WDR59: variants seen among roughly 807,000 people sequenced by gnomAD.
WDR59 encodes the protein WD repeat domain 59.
Under a neutral mutation model 131.2 loss-of-function variants are expected in WDR59, and 100 were observed. The observed-to-expected ratio is 0.76, with a 90% CI of 0.65 to 0.90. The LOEUF (loss-of-function observed/expected upper bound fraction) is 0.90. Among genes scored for constraint, WDR59 ranks in the 40% least tolerant of loss-of-function variants. WDR59 has a pLI of 0.00. For synonymous variants in WDR59, 601 were observed against 466.2 expected (o/e 1.29, Z -3.72); for missense variants, 1,203 against 1,262.2 (o/e 0.95, Z 0.71).
chr16:74,958,609 A>AAAAAAAAC (rs2033414694), intron 2 of WDR59, among the ~76,000 whole-genome samples: 1 of 143,224 alleles, frequency 7.0e-6, no homozygotes, highest in South Asian at 2.2e-4. Flanking sequence ...AAAAAAAAAA[A>AAAAAAAAC]AAAAAAAAAA....
chr16:74,891,239 T>C (rs1814277970), intron 20 of WDR59, among the ~76,000 whole-genome samples: 2 of 151,960 alleles, frequency 1.3e-5, no homozygotes, highest in South Asian at 2.1e-4. Flanking sequence ...AAAGAAGATA[T>C]GGACTTTGAA....
chr16:74,901,798 T>C (rs1965566835), intron 18 of WDR59, among the ~76,000 whole-genome samples: 1 of 152,142 alleles, frequency 6.6e-6, no homozygotes. Flanking sequence ...CCTCAAGGAT[T>C]ATCGACCTTT....
At chr16:74,916,075 T>C (rs1229648106) in intron 12 of WDR59, 52 bp downstream of exon 12, 7 of 1,613,866 alleles carry the variant, frequency 4.3e-6, no homozygotes, top group Non-Finnish European at 5.1e-6. Flanking sequence ...CTGCCACAAC[T>C]CTGCAATGCG....
At chr16:74,874,596 T>G in intron 25 of WDR59, 152 bp from the exon 26 acceptor site, 1 of 696,024 alleles carries the variant, frequency 1.4e-6, no homozygotes, top group Non-Finnish European at 2.3e-6. Context: ...TTTTTTTTAT[T>G]TTTATTTTTT....
chr16:74,947,539 C>A (rs949822771), intron 6 of WDR59, among the ~76,000 whole-genome samples: 7 of 152,108 alleles, frequency 4.6e-5, no homozygotes, highest in African/African-American at 1.7e-4. Flanking sequence ...ATATATCAAC[C>A]ACTTACAGGT....
intron 13 of WDR59, chr16:74,915,577 A>AT (rs57977057): frequency 5.9e-3 from 1,123 of 189,908 alleles, no homozygotes; most frequent in East Asian, 0.011. Flanking sequence ...TTACAGGCTA[A>AT]TTTTTTTTTT....
chr16:74,953,421 T>C (rs2033115448), intron 3 of WDR59, among the ~76,000 whole-genome samples: 1 of 145,378 alleles, frequency 6.9e-6, no homozygotes, highest in Non-Finnish European at 1.5e-5. Flanking sequence ...TGCAATGAAC[T>C]GAGATGGCGC....
At chr16:74,905,783 T>C (rs1169788085) in intron 17 of WDR59, among the ~76,000 whole-genome samples, 11 of 151,800 alleles carry the variant, frequency 7.2e-5, no homozygotes, top group Non-Finnish European at 1.6e-4. Context: ...AATTTGTTCA[T>C]TGAAAAACAT....
At chr16:74,891,809 C>T (rs1015292522) in intron 20 of WDR59, among the ~76,000 whole-genome samples, 9 of 152,046 alleles carry the variant, frequency 5.9e-5, no homozygotes, top group East Asian at 3.9e-4. Context: ...CTATAATCCC[C>T]GCTACTCGGG....
chr16:74,927,013 G>C (rs2145028598), intron 8 of WDR59, among the ~76,000 whole-genome samples: 1 of 152,306 alleles, frequency 6.6e-6, no homozygotes, highest in East Asian at 1.9e-4. Context: ...ACAGAGCACA[G>C]CACATATGAA....
intron 8 of WDR59, among the ~76,000 whole-genome samples, chr16:74,929,684 C>T (rs1479713039): frequency 1.3e-5 from 2 of 152,100 alleles, no homozygotes; most frequent in Non-Finnish European, 2.9e-5. Flanking sequence ...GCTAGGTATA[C>T]ACCCCAAAGA....
chr16:74,889,992 C>T (rs923422556), intron 20 of WDR59, among the ~76,000 whole-genome samples, 177 bp from the exon 21 acceptor site: 1 of 152,150 alleles, frequency 6.6e-6, no homozygotes, highest in Non-Finnish European at 1.5e-5. Context: ...ACTGAATCAG[C>T]GTTTACACTT....
At chr16:74,966,045 C>T (rs2033762216) in intron 1 of WDR59, among the ~76,000 whole-genome samples, 2 of 152,128 alleles carry the variant, frequency 1.3e-5, no homozygotes, top group African/African-American at 4.8e-5. Context: ...TGCTATGTTG[C>T]CCAGGCTGGA....
chr16:74,905,193 T>C (rs928781242), intron 17 of WDR59, among the ~76,000 whole-genome samples: 1 of 151,164 alleles, frequency 6.6e-6, no homozygotes, highest in East Asian at 2.0e-4. Flanking sequence ...CTGACCAACG[T>C]GGAGAAACCC....
intron 17 of WDR59, among the ~76,000 whole-genome samples, chr16:74,905,314 G>C (rs1382835977): frequency 6.6e-6 from 1 of 152,018 alleles, no homozygotes; most frequent in African/African-American, 2.4e-5. Flanking sequence ...GGCGGAGGTT[G>C]TGGTGAGCTG....
intron 8 of WDR59, among the ~76,000 whole-genome samples, chr16:74,935,124 G>A (rs918170807): frequency 1.1e-4 from 17 of 152,018 alleles, no homozygotes; most frequent in African/African-American, 3.6e-4. Context: ...AGCTACTGAG[G>A]GAGGCTGAGA....
intron 8 of WDR59, among the ~76,000 whole-genome samples, chr16:74,928,822 T>C (rs973162438): frequency 1.3e-5 from 2 of 152,126 alleles, no homozygotes; most frequent in East Asian, 3.9e-4. Context: ...GGCACAAGAA[T>C]CGCTTGAACC....
intron 1 of WDR59, 62 bp downstream of exon 1, chr16:74,984,902 C>A: frequency 6.3e-7 from 1 of 1,575,744 alleles, no homozygotes; most frequent in Non-Finnish European, 8.6e-7. Flanking sequence ...GAAGCAGCCG[C>A]GTGGGGGAGG....
intron 1 of WDR59, among the ~76,000 whole-genome samples, chr16:74,982,101 A>C (rs1180614407): frequency 6.7e-6 from 1 of 148,860 alleles, no homozygotes; most frequent in Non-Finnish European, 1.5e-5. Context: ...ATTTAAAAAA[A>C]AAATGCAAAA....
Sources: allele counts gnomAD v4.1 joint callset (sites outside exome capture counted in the v4.1 genomes callset), GRCh38; gene constraint gnomAD v4.1.1; transcripts MANE v1.5; gene names NCBI Gene and HGNC (gene_info 2026-07-23, HGNC 2026-07-21).